The following CRYBG3 variants were observed in gnomAD, a reference collection of about 807,000 sequenced individuals.
The protein encoded by CRYBG3 is very large A-kinase anchor protein.
A neutral mutation model predicts 244.2 loss-of-function variants in CRYBG3; 127 were observed. That is an observed-to-expected ratio of 0.52 (90% CI 0.45 to 0.60). The LOEUF is 0.60. Ranked by LOEUF, CRYBG3 falls within the 20% of genes least tolerant of loss-of-function variation. The pLI is 0.00. For synonymous variants in CRYBG3, 1,132 were observed against 1,195.8 expected (o/e 0.95, Z 1.10); for missense variants, 3,325 against 3,442.5 (o/e 0.97, Z 0.85).
rs1375173973 is a variant in CRYBG3 at position 97,877,921 on chromosome 3, A to T, written c.6727A>T (p.Thr2243Ser). 2.5e-6 allele frequency: 4 copies of T among 1,614,122 alleles called. No homozygotes were observed. The highest frequency in any genetic ancestry group is 3.3e-5 in the Admixed American group (2 of 60,016). The change falls in exon 4 of 22, where the codon ACT becomes TCT. Residue 2243 changes from threonine to serine, a missense_variant. Coordinates refer to ENST00000389622, the MANE Select transcript of CRYBG3 (RefSeq NM_153605.4). ...LKSAYHQYLQ[T>S]SQSHSSEKGA... is the part of the protein sequence containing the mutation. Reference sequence around the variant, plus strand: ...GAGTGCTTATCATCAGTATCTGCAGACTTCCCAAAGTCATTCCTCAGAAAA... The same window carrying T: ...GAGTGCTTATCATCAGTATCTGCAGTCTTCCCAAAGTCATTCCTCAGAAAA...
chr3:97,857,324 G>C (rs1370831117), intron 2 of CRYBG3, among the ~76,000 whole-genome samples: 2 of 151,946 alleles, frequency 1.3e-5, no homozygotes, highest in Non-Finnish European at 2.9e-5. Flanking sequence ...TCCATTTGCT[G>C]ATGAGAAAAA....
intron 10 of CRYBG3, among the ~76,000 whole-genome samples, chr3:97,890,841 T>C (rs999734642): frequency 2.0e-5 from 3 of 152,158 alleles, no homozygotes; most frequent in African/African-American, 7.2e-5. Flanking sequence ...TATCACTTCC[T>C]CATACTTAAT....
At chr3:97,896,618 G>A (rs1168697605) in intron 12 of CRYBG3, among the ~76,000 whole-genome samples, 1 of 152,216 alleles carries the variant, frequency 6.6e-6, no homozygotes, top group Non-Finnish European at 1.5e-5. Flanking sequence ...AGATTAACAT[G>A]TTAATGTGTA....
intron 17 of CRYBG3, among the ~76,000 whole-genome samples, chr3:97,918,821 G>T (rs2039954305): frequency 1.3e-5 from 2 of 152,150 alleles, no homozygotes; most frequent in African/African-American, 4.8e-5. Flanking sequence ...CTATTTTCAT[G>T]ACAGGGGAAA....
intron 1 of CRYBG3, among the ~76,000 whole-genome samples, chr3:97,830,129 A>C (rs186965704): frequency 9.9e-5 from 15 of 152,270 alleles, no homozygotes; most frequent in Admixed American, 9.8e-4. Context: ...ATTTCTATGA[A>C]TATTTAGCTG....
At chr3:97,833,732 G>T (rs1318424496) in intron 1 of CRYBG3, among the ~76,000 whole-genome samples, 1 of 151,984 alleles carries the variant, frequency 6.6e-6, no homozygotes, top group African/African-American at 2.4e-5. Flanking sequence ...AAAAAAAATT[G>T]CTAAAAGATT....
chr3:97,885,976 T>C (rs2039502874), intron 7 of CRYBG3, among the ~76,000 whole-genome samples: 1 of 152,092 alleles, frequency 6.6e-6, no homozygotes, highest in African/African-American at 2.4e-5. Context: ...GAGATATGCA[T>C]GAGGGAAATT....
intron 7 of CRYBG3, among the ~76,000 whole-genome samples, chr3:97,881,421 A>C (rs1252344867): frequency 1.3e-5 from 2 of 152,236 alleles, no homozygotes; most frequent in Admixed American, 6.5e-5. Flanking sequence ...TGTAGTTTAT[A>C]AAATGTTACA....
At chr3:97,938,450 C>T (rs75624377) in intron 19 of CRYBG3, among the ~76,000 whole-genome samples, 1,886 of 152,166 alleles carry the variant, frequency 0.012, 39 homozygotes, top group African/African-American at 0.043. Context: ...TGACCTGACA[C>T]TTATTTAACC....
At chr3:97,920,346 G>A (rs914289454) in intron 17 of CRYBG3, among the ~76,000 whole-genome samples, 6 of 151,974 alleles carry the variant, frequency 3.9e-5, no homozygotes, top group Admixed American at 3.9e-4. Flanking sequence ...CATAACATCA[G>A]CTCTTACCTC....
intron 1 of CRYBG3, among the ~76,000 whole-genome samples, chr3:97,834,066 C>A (rs2038694487): frequency 6.6e-6 from 1 of 152,084 alleles, no homozygotes; most frequent in African/African-American, 2.4e-5. Context: ...AAGGGATTCA[C>A]CCCCATGACC....
chr3:97,922,938 C>G (rs546422254), intron 17 of CRYBG3, among the ~76,000 whole-genome samples: 3 of 152,082 alleles, frequency 2.0e-5, no homozygotes, highest in Non-Finnish European at 2.9e-5. Flanking sequence ...GGAACCAACC[C>G]GAATGTCCAT....
intron 18 of CRYBG3, among the ~76,000 whole-genome samples, chr3:97,935,771 G>A (rs547365963): frequency 9.2e-5 from 14 of 152,116 alleles, no homozygotes; most frequent in African/African-American, 3.4e-4. Flanking sequence ...CCTGAGCTCT[G>A]GTCCATCTGA....
intron 11 of CRYBG3, among the ~76,000 whole-genome samples, chr3:97,893,674 C>G (rs964533163): frequency 6.6e-6 from 1 of 152,218 alleles, no homozygotes; most frequent in South Asian, 2.1e-4. Flanking sequence ...TGGAATCCCT[C>G]TAGAAACATT....
chr3:97,877,704 T>A lies in CRYBG3; in HGVS notation c.6510T>A (p.Arg2170=), dbSNP rs1178869102. The A allele has an allele frequency of 6.2e-7, 1 of 1,614,006 alleles. No homozygotes were observed. The highest frequency in any genetic ancestry group is 8.5e-7 in the Non-Finnish European group (1 of 1,179,990). The stretch of plus-strand genomic sequence containing the variant: ...ATCTGAGAGCTGGAAGTGGGGAGCG[T>A]GTTACCTTCCAGTTGCCAGATCCTT... ...KGDLRAGSGE[R]VTFQLPDPSI... Residue 2170 remains arginine, a synonymous_variant, in exon 4 of 22, where the codon CGT becomes CGA. Transcript: ENST00000389622.
chr3:97,876,963 T>A lies in CRYBG3; in HGVS notation c.5769T>A (p.Asn1923Lys). The part of the protein sequence containing the change: ...EIKEGLIAHE[N>K]RLPTYFRGYE... ...AGGAAGGCTTGATAGCACATGAAAA[T>A]AGACTTCCTACATATTTCAGGGGAT... The change falls in exon 4 of 22, where the codon AAT becomes AAA. Residue 1923 changes from asparagine to lysine, a missense_variant. Transcript: ENST00000389622. The A allele has an allele frequency of 6.6e-7, 1 of 1,505,374 alleles. No individual in the cohort carries two copies. Among genetic ancestry groups the A allele is most frequent in the Non-Finnish European group, 8.8e-7 (1 of 1,130,022 alleles). 93.3% of individuals were successfully genotyped at this position (1,505,374 alleles called of 1,614,324 possible). A position where few individuals can be genotyped will look rare whatever the true frequency, so the allele number is the denominator to read the frequency against.
chr3:97,904,547 A>T (rs948618866), intron 15 of CRYBG3, among the ~76,000 whole-genome samples: 1 of 152,148 alleles, frequency 6.6e-6, no homozygotes, highest in African/African-American at 2.4e-5. Flanking sequence ...TCATGGCTTC[A>T]TTGTGAAAAT....
At chr3:97,907,169 T>C (rs1430591053) in intron 15 of CRYBG3, among the ~76,000 whole-genome samples, 2 of 152,214 alleles carry the variant, frequency 1.3e-5, no homozygotes, top group Non-Finnish European at 2.9e-5. Context: ...TGAGGATTTT[T>C]GCATCAATGT....
chr3:97,897,603 AGTTT>A (rs2039654197), intron 12 of CRYBG3, among the ~76,000 whole-genome samples: 1 of 152,102 alleles, frequency 6.6e-6, no homozygotes, highest in African/African-American at 2.4e-5. Context: ...TTATTCTGTT[AGTTT>A]GTTAAAAACT....
Sources: gnomAD v4.1 joint callset for allele counts (sites outside exome capture counted in the v4.1 genomes callset) on GRCh38, gnomAD v4.1.1 for gene constraint, MANE v1.5 for transcripts, NCBI Gene and HGNC (gene_info 2026-07-23, HGNC 2026-07-21) for gene names.